The following SLC35H1 variants were observed in gnomAD, a reference collection of about 807,000 sequenced individuals.
SLC35H1 encodes the protein solute carrier family 35 member H1, also known as ovarian cancer-overexpressed gene 1 protein.
At chr20:46,356,711 C>G in the SLC35H1 span, 1 of 1,427,722 alleles carries the variant, frequency 7.0e-7, no homozygotes, top group Non-Finnish European at 9.7e-7. Context: ...TACCCTGAGG[C>G]ACCTGAGTGT....
the SLC35H1 span, chr20:46,364,010 C>T: frequency 6.6e-6 from 1 of 152,380 alleles, no homozygotes; most frequent in African/African-American, 2.4e-5. Context: ...TCGTGGCACT[C>T]CCACCTCTGA....
chr20:46,361,812 T>C, the SLC35H1 span, among the ~76,000 whole-genome samples: 3 of 152,226 alleles, frequency 2.0e-5, no homozygotes, highest in African/African-American at 7.2e-5. Flanking sequence ...ATGCTGGCAC[T>C]AACAGAGCTT....
chr20:46,352,425 C>T, the SLC35H1 span: 1 of 578,718 alleles, frequency 1.7e-6, no homozygotes, highest in South Asian at 2.1e-5. Flanking sequence ...ACCAGGGAAG[C>T]AGTGATGGCT....
At chr20:46,359,790 T>C in the SLC35H1 span, among the ~76,000 whole-genome samples, 1 of 152,184 alleles carries the variant, frequency 6.6e-6, no homozygotes, top group African/African-American at 2.4e-5. Flanking sequence ...CTTTGAGACA[T>C]TCCCATCCTA....
chr20:46,353,534 C>T, the SLC35H1 span, among the ~76,000 whole-genome samples: 1 of 152,160 alleles, frequency 6.6e-6, no homozygotes, highest in African/African-American at 2.4e-5. Context: ...AAAGAAATGC[C>T]GAGTGACAGT....
At chr20:46,351,941 C>T in the SLC35H1 span, 1 of 1,199,736 alleles carries the variant, frequency 8.3e-7, no homozygotes, top group Non-Finnish European at 1.2e-6. Context: ...GCACTTCCTT[C>T]TCTTCTCTGC....
the SLC35H1 span, chr20:46,357,535 T>A: frequency 2.0e-6 from 3 of 1,482,934 alleles, no homozygotes; most frequent in Non-Finnish European, 2.8e-6. Flanking sequence ...GGACTTGGCT[T>A]CCAGACATGC....
the SLC35H1 span, among the ~76,000 whole-genome samples, chr20:46,357,968 C>A: frequency 6.6e-6 from 1 of 152,186 alleles, no homozygotes; most frequent in African/African-American, 2.4e-5. Context: ...AGACAGGTGG[C>A]AGCCAAGAGA....
the SLC35H1 span, among the ~76,000 whole-genome samples, chr20:46,351,163 G>A: frequency 6.6e-6 from 1 of 152,254 alleles, no homozygotes; most frequent in Non-Finnish European, 1.5e-5. Flanking sequence ...CTGGGGACCA[G>A]GGTGTCCAGA....
At chr20:46,357,858 T>A in the SLC35H1 span, 4 of 1,474,908 alleles carry the variant, frequency 2.7e-6, no homozygotes, top group Non-Finnish European at 2.8e-6. Context: ...GCCCCTCTGC[T>A]GGAGTGGGGC....
chr20:46,355,712 C>T, the SLC35H1 span: 3 of 1,584,510 alleles, frequency 1.9e-6, no homozygotes, highest in Non-Finnish European at 2.6e-6. The surrounding 1 kb of genome is among the most constrained non-coding windows in gnomAD (Gnocchi z 4.8). Context: ...TCTCCTCTGT[C>T]ACACAGCAGG....
At chr20:46,350,752 C>G in the SLC35H1 span, 283 of 1,613,760 alleles carry the variant, frequency 1.8e-4, 5 homozygotes, top group South Asian at 2.9e-3. Flanking sequence ...GGAAGGGACT[C>G]TGGGTTACCT....
the SLC35H1 span, chr20:46,352,608 C>T: frequency 0.018 from 3,312 of 186,440 alleles, 151 homozygotes; most frequent in African/African-American, 0.078. Context: ...TGATGGGATC[C>T]TAGCGGGATG....
At chr20:46,357,193 C>G in the SLC35H1 span, among the ~76,000 whole-genome samples, 1 of 152,250 alleles carries the variant, frequency 6.6e-6, no homozygotes. Context: ...GCCTACTTGG[C>G]ACCTGGCCTA....
At chr20:46,363,527 C>G in the SLC35H1 span, among the ~76,000 whole-genome samples, 2 of 152,244 alleles carry the variant, frequency 1.3e-5, no homozygotes, top group African/African-American at 4.8e-5. Flanking sequence ...AACCAAAAAT[C>G]TATGATGAAG....
At chr20:46,355,045 C>G in the SLC35H1 span, 1 of 1,613,892 alleles carries the variant, frequency 6.2e-7, no homozygotes. This position sits in a 1 kb window ranked among gnomAD's most constrained non-coding sequence, Gnocchi z 4.8. Context: ...GGGTTCCTCT[C>G]TCTGGAGGAT....
chr20:46,355,485 C>T, the SLC35H1 span: 12 of 625,630 alleles, frequency 1.9e-5, 1 homozygote, highest in South Asian at 1.4e-4. This position sits in a 1 kb window ranked among gnomAD's most constrained non-coding sequence, Gnocchi z 4.8. Flanking sequence ...CTGTCCTAGG[C>T]CCCCAAGTGG....
the SLC35H1 span, chr20:46,359,001 C>T: frequency 1.9e-6 from 1 of 536,602 alleles, no homozygotes; most frequent in African/African-American, 1.9e-5. Flanking sequence ...CTGCTTAAAA[C>T]CCTTCAGCAG....
chr20:46,356,588 A>G, the SLC35H1 span: 6 of 1,614,056 alleles, frequency 3.7e-6, no homozygotes, highest in Non-Finnish European at 8.5e-7. Context: ...AGACGGTGAC[A>G]TACAGGAAGC....
Sources: allele counts gnomAD v4.1 joint callset (sites outside exome capture counted in the v4.1 genomes callset), GRCh38; gene constraint gnomAD v4.1.1; non-coding constraint Gnocchi (gnomAD v3.1); transcripts MANE v1.5; gene names NCBI Gene and HGNC (gene_info 2026-07-23, HGNC 2026-07-21).